Variants in ABCA8 observed in about 807,000 individuals in gnomAD.
ABCA8 encodes the protein ABC-type organic anion transporter ABCA8.
ABCA8 carries 177 observed loss-of-function variants against 192.3 expected under a neutral mutation model. The observed-to-expected ratio is 0.92, with a 90% CI of 0.81 to 1.04. The LOEUF (loss-of-function observed/expected upper bound fraction) is 1.04, where lower values mean the gene tolerates loss of function less well. Among genes scored for constraint, ABCA8 ranks in the 50% least tolerant of loss-of-function variants. The probability of loss-of-function intolerance (pLI) is 0.00; values close to 1 mark genes in which losing one functional copy is unlikely to be tolerated. For synonymous variants in ABCA8, 642 were observed against 690.2 expected (o/e 0.93, Z 1.09); for missense variants, 1,915 against 1,904.8 (o/e 1.01, Z -0.10).
At chr17:68,889,127 C>G (rs2066564606) in intron 24 of ABCA8, among the ~76,000 whole-genome samples, 1 of 152,140 alleles carries the variant, frequency 6.6e-6, no homozygotes, top group African/African-American at 2.4e-5. Flanking sequence ...CCTGCATGTT[C>G]CACATGAAAA....
chr17:68,873,179 C>T (rs1030971722), intron 37 of ABCA8, among the ~76,000 whole-genome samples: 3 of 152,060 alleles, frequency 2.0e-5, no homozygotes, highest in African/African-American at 4.8e-5. Flanking sequence ...TCTTTTATGC[C>T]GATTTTTACT....
chr17:68,929,718 A>G lies in ABCA8; in HGVS notation c.798-16T>C, dbSNP rs777096735. 6.3e-7 allele frequency: 1 copy of G among 1,585,662 alleles called. No individual in the cohort carries two copies. The highest frequency in any genetic ancestry group is 8.5e-7 in the Non-Finnish European group (1 of 1,169,892). Reference sequence around the variant, plus strand: ...CCAGGAGAGCCTAATGTGGAAACAAAATGTTATTTTAGTATTTTATGTTCA... The same window carrying G: ...CCAGGAGAGCCTAATGTGGAAACAAGATGTTATTTTAGTATTTTATGTTCA... On this transcript the variant is annotated splice_polypyrimidine_tract_variant and intron_variant, in intron 7 of 39. Coordinates refer to ENST00000586539, the MANE Select transcript of ABCA8 (RefSeq NM_001288985.2).
At chr17:68,904,971 T>C (rs568142085) in intron 19 of ABCA8, among the ~76,000 whole-genome samples, 2 of 152,362 alleles carry the variant, frequency 1.3e-5, no homozygotes, top group African/African-American at 2.4e-5. Flanking sequence ...AGCAGGGCTA[T>C]AGAGAAATAT....
In ABCA8 at chr17:68,919,318, G is replaced by T. The variant is rs775795770; in HGVS notation, c.1771C>A (p.Gln591Lys). The T allele has an allele frequency of 6.2e-7, 1 of 1,611,140 alleles. No homozygotes were observed. The highest frequency in any genetic ancestry group is 1.3e-5 in the African/African-American group (1 of 74,808). Residue 591 changes from glutamine (Q) to lysine (K), a missense_variant, in exon 14 of 40, where the codon CAA becomes AAA. Coordinates refer to ENST00000586539, the MANE Select transcript of ABCA8 (RefSeq NM_001288985.2). ...TTTTGTACCTCTTTATCCACTTCTTGTGGCAGAATCCCTTTTATTTTAGCA... is the reference window on the plus strand; with the variant it reads ...TTTTGTACCTCTTTATCCACTTCTTTTGGCAGAATCCCTTTTATTTTAGCA... ...LFAKIKGILPQEVDKEIQRVL... is the reference protein window; with the variant it reads ...LFAKIKGILPKEVDKEIQRVL...
At chr17:68,875,860 T>A (rs1438772609) in intron 35 of ABCA8, 127 bp from the exon 36 acceptor site, 3 of 1,095,400 alleles carry the variant, frequency 2.7e-6, no homozygotes, top group Admixed American at 5.5e-5. Context: ...AAAAGAGGGT[T>A]CTTAATAGGG....
chr17:68,877,766 AAAAACTAGAGAAACTCT>A, intron 32 of ABCA8, 87 bp from the exon 33 acceptor site: 1 of 1,388,586 alleles, frequency 7.2e-7, no homozygotes, highest in Non-Finnish European at 9.7e-7. Context: ...ACGAACCTAG[AAAAACTAGAGAAACTCT>A]AAACCTCATT....
intron 7 of ABCA8, among the ~76,000 whole-genome samples, chr17:68,930,496 G>A (rs1196145233): frequency 4.0e-5 from 6 of 151,894 alleles, no homozygotes; most frequent in African/African-American, 1.2e-4. Flanking sequence ...AAACTATAAT[G>A]AAATAATAAT....
intron 37 of ABCA8, among the ~76,000 whole-genome samples, chr17:68,872,754 T>G (rs1016799363): frequency 2.0e-5 from 3 of 151,954 alleles, no homozygotes; most frequent in Non-Finnish European, 2.9e-5. Flanking sequence ...CCTCAGCTAA[T>G]GTGTGTGTGT....
intron 33 of ABCA8, 120 bp from the exon 34 acceptor site, chr17:68,876,823 G>T: frequency 8.3e-7 from 1 of 1,198,998 alleles, no homozygotes; most frequent in Non-Finnish European, 1.2e-6. Flanking sequence ...CATGTGGTCG[G>T]GGGGCAGGGA....
At chr17:68,945,845 T>C (rs542395554) in intron 2 of ABCA8, among the ~76,000 whole-genome samples, 2 of 152,182 alleles carry the variant, frequency 1.3e-5, no homozygotes, top group East Asian at 3.9e-4. Flanking sequence ...ATATTATGCG[T>C]GTATGCACTT....
rs758482611 is a variant in ABCA8, at chr17:68,903,495, A to C, written c.2403T>G (p.Ile801Met). ...CCGCTTGTACTTCTCCCAAAATAGC[A>C]ATGTCTGCAAAACATAAAATAAGCA... is the stretch of plus-strand genomic sequence containing the variant. ...EGKSTINESDIAILGEVQAEK... is the reference protein window; with the variant it reads ...EGKSTINESDMAILGEVQAEK... The change falls in exon 20 of 40, where the codon ATT becomes ATG. Residue 801 changes from isoleucine (I) to methionine (M), a missense_variant. Transcript: ENST00000586539. 8.1e-6 allele frequency: 13 copies of C among 1,613,968 alleles called. No homozygotes were observed. In the South Asian group the frequency reaches 1.4e-4, roughly 18 times the overall value.
At chr17:68,923,208 T>TG (rs71144638) in intron 11 of ABCA8, among the ~76,000 whole-genome samples, 30 of 144,302 alleles carry the variant, frequency 2.1e-4, no homozygotes, top group African/African-American at 7.6e-4. Context: ...TTATTATTAT[T>TG]TTTTTTTTTG....
chr17:68,887,957 T>TATATATATTATATATATGG (rs758321529), intron 24 of ABCA8, among the ~76,000 whole-genome samples: 2 of 46,298 alleles, frequency 4.3e-5, no homozygotes, highest in Non-Finnish European at 9.6e-5. Context: ...TATATATGGA[T>TATATATATTATATATATGG]ATATATACAC....
Position 68,924,852 on chromosome 17 carries a change from G to A in ABCA8, c.1291C>T (p.Arg431Cys), listed in dbSNP as rs149873456. Residue 431 changes from arginine to cysteine, a missense_variant, in exon 11 of 40, where the codon CGT becomes TGT. By Grantham distance (180) the Arg-to-Cys change is radical. Coordinates refer to ENST00000586539, the MANE Select transcript of ABCA8 (RefSeq NM_001288985.2). ...GACTTCAGGAAAAACAAAGGTGGAC[G>A]TCGATGTCCATATTCATCTACATGG... ...KILPNEYGHR[R>C]PPLFFLKSSF... is the part of the protein sequence containing the mutation. The A allele has an allele frequency of 1.3e-4, 213 of 1,613,890 alleles. No individual in the cohort carries two copies. In the African/African-American group the frequency reaches 1.9e-3, roughly 15 times the overall value.
intron 24 of ABCA8, among the ~76,000 whole-genome samples, chr17:68,889,194 C>T (rs766166165): frequency 1.1e-4 from 17 of 152,068 alleles, no homozygotes; most frequent in African/African-American, 3.1e-4. Flanking sequence ...AGAGAAAAAA[C>T]GAAACAGATG....
At chr17:68,925,022 T>C (rs1033154491) in intron 10 of ABCA8, among the ~76,000 whole-genome samples, 153 bp from the exon 11 acceptor site, 6 of 151,636 alleles carry the variant, frequency 4.0e-5, no homozygotes, top group Non-Finnish European at 7.4e-5. Context: ...TGTAGCTTCA[T>C]AAGGAAAAAA....
chr17:68,937,002 A>C lies in ABCA8; in HGVS notation c.415T>G (p.Phe139Val). The C allele has an allele frequency of 6.2e-7, 1 of 1,608,622 alleles. No individual in the cohort carries two copies. The highest frequency in any genetic ancestry group is 1.1e-5 in the South Asian group (1 of 90,170). Reference sequence around the variant, plus strand: ...GCTGGCATTCCATGTCCTAGCAAGAACTTCAAATGATATGAGTATGTATTA... The same window carrying C: ...GCTGGCATTCCATGTCCTAGCAAGACCTTCAAATGATATGAGTATGTATTA... The part of the protein sequence containing the change: ...FTNTYSYHLK[F>V]LLGHGMPAKK... Residue 139 changes from phenylalanine (F) to valine (V), a missense_variant, in exon 5 of 40, where the codon TTC becomes GTC. Physicochemically the swap from Phe to Val is conservative, Grantham distance 50. Coordinates refer to ENST00000586539, the MANE Select transcript of ABCA8 (RefSeq NM_001288985.2).
chr17:68,929,025 A>G (rs903991014), intron 9 of ABCA8, 24 bp downstream of exon 9: 1 of 1,432,240 alleles, frequency 7.0e-7, no homozygotes, highest in Admixed American at 2.3e-5. Flanking sequence ...AATGCCATTA[A>G]TAGACATTCA....
intron 2 of ABCA8, among the ~76,000 whole-genome samples, chr17:68,945,581 G>T (rs981141088): frequency 2.6e-5 from 4 of 152,044 alleles, no homozygotes; most frequent in Non-Finnish European, 5.9e-5. Flanking sequence ...TCAAGTATTT[G>T]TCAAGAGTAC....
Sources: gnomAD v4.1 joint callset for allele counts (sites outside exome capture counted in the v4.1 genomes callset) on GRCh38, gnomAD v4.1.1 for gene constraint, MANE v1.5 for transcripts, NCBI Gene and HGNC (gene_info 2026-07-23, HGNC 2026-07-21) for gene names.